Variants in FMNL2 observed in about 807,000 individuals in gnomAD.
FMNL2 encodes the protein formin-like protein 2.
FMNL2 carries 51 observed loss-of-function variants against 130.2 expected under a neutral mutation model. That is an observed-to-expected ratio of 0.39 (90% CI 0.31 to 0.49). The LOEUF (loss-of-function observed/expected upper bound fraction) is 0.49, where lower values mean the gene tolerates loss of function less well. FMNL2 is among the 20% of genes least tolerant of loss of function. The pLI is 0.85. For missense variants in FMNL2, 977 were observed against 1,316.2 expected, an observed-to-expected ratio of 0.74 and a Z score of 3.99; for synonymous variants, 465 against 467.1, an observed-to-expected ratio of 1.00 and a Z score of 0.06.
At chr2:152,428,397 A>G (rs975955699) in intron 1 of FMNL2, among the ~76,000 whole-genome samples, 3 of 152,218 alleles carry the variant, frequency 2.0e-5, no homozygotes, top group African/African-American at 7.2e-5. Context: ...GTAAGCCATT[A>G]TAGTTTAATG....
intron 1 of FMNL2, among the ~76,000 whole-genome samples, chr2:152,504,682 C>T (rs1692056627): frequency 6.6e-6 from 1 of 152,142 alleles, no homozygotes; most frequent in Non-Finnish European, 1.5e-5. Flanking sequence ...GCTTCTATCT[C>T]TTATGCACTG....
intron 1 of FMNL2, among the ~76,000 whole-genome samples, chr2:152,393,835 G>T (rs1322708194): frequency 1.3e-5 from 2 of 152,204 alleles, no homozygotes; most frequent in Non-Finnish European, 2.9e-5. Context: ...TAGGGTGAAA[G>T]CAGCCTTAGA....
At chr2:152,440,597 A>G (rs1688002290) in intron 1 of FMNL2, among the ~76,000 whole-genome samples, 1 of 152,222 alleles carries the variant, frequency 6.6e-6, no homozygotes, top group Non-Finnish European at 1.5e-5. Context: ...TCAGTTCTAG[A>G]AGCCCTCCTT....
chr2:152,495,352 T>G (rs533649630), intron 1 of FMNL2, among the ~76,000 whole-genome samples: 2 of 152,024 alleles, frequency 1.3e-5, no homozygotes, highest in Non-Finnish European at 2.9e-5. Context: ...AAAGATAGAT[T>G]AAGATGTTCA....
At chr2:152,373,805 T>A (rs1684020610) in intron 1 of FMNL2, among the ~76,000 whole-genome samples, 3 of 152,192 alleles carry the variant, frequency 2.0e-5, no homozygotes, top group Admixed American at 2.0e-4. Context: ...CTGTATTTTT[T>A]TTTTTAAACT....
chr2:152,547,047 A>T (rs1163474154), intron 3 of FMNL2, among the ~76,000 whole-genome samples: 1 of 151,554 alleles, frequency 6.6e-6, no homozygotes, highest in Non-Finnish European at 1.5e-5. Context: ...CCAGGTGCAA[A>T]CAGTTCTCGT....
At chr2:152,490,616 T>TGTGTGTGTG (rs70974867) in intron 1 of FMNL2, among the ~76,000 whole-genome samples, 120 of 142,026 alleles carry the variant, frequency 8.4e-4, no homozygotes, top group South Asian at 1.4e-3. Context: ...TGTGTGTGTG[T>TGTGTGTGTG]TGGATAAACT....
At position 152,472,332 on chromosome 2, in the gene FMNL2, G is replaced by A. The variant is rs80040194; in HGVS notation, c.118-49611G>A. On this transcript the variant is annotated intron_variant, in intron 1 of 25. Transcript: ENST00000288670. ...GTACGAAATTATCCTGGTCACTTAT[G>A]TCTCAGTTTGTGCTTTTTTGTGCAG... Among the ~76,000 whole-genome samples the A allele has an allele frequency of 5.4e-3, 827 of 152,234 alleles. 7 individuals carry two copies. Among genetic ancestry groups the A allele is most frequent in the African/African-American group, 0.019 (793 of 41,540 alleles).
rs1265537726 is a variant in FMNL2, at chr2:152,649,403, A to G, written c.*1498A>G. 6.6e-6 allele frequency: 1 copy of G among 152,490 alleles called. No individual in the cohort carries two copies. 9.4% of individuals were successfully genotyped at this position (152,490 alleles called of 1,614,324 possible). A position where few individuals can be genotyped will look rare whatever the true frequency, so the allele number is the denominator to read the frequency against. ...TTTTTTTTAATATATATATTTAACT[A>G]TAAGGACAGTTTAGGGAACAAGTTA... On this transcript the variant is annotated 3_prime_UTR_variant, in exon 26 of 26. Coordinates refer to ENST00000288670, the MANE Select transcript of FMNL2 (RefSeq NM_052905.4).
At chr2:152,570,974 TATTCAGGAAAA>T (rs1171151535) in intron 6 of FMNL2, among the ~76,000 whole-genome samples, 1 of 152,220 alleles carries the variant, frequency 6.6e-6, no homozygotes, top group Non-Finnish European at 1.5e-5. Context: ...AGGGAGCATC[TATTCAGGAAAA>T]GGGACTGATT....
intron 21 of FMNL2, among the ~76,000 whole-genome samples, chr2:152,635,198 G>A (rs1042909997): frequency 1.3e-5 from 2 of 152,212 alleles, no homozygotes; most frequent in Non-Finnish European, 2.9e-5. Flanking sequence ...AATGGTTGAT[G>A]TTGAGTTCTT....
rs1271561784 is a variant in FMNL2, at chr2:152,639,994, G to C, written c.2983G>C (p.Glu995Gln). 2 of 1,559,094 alleles carry C rather than the reference G, an allele frequency of 1.3e-6. No homozygotes were observed. The highest frequency in any genetic ancestry group is 2.4e-5 in the South Asian group (2 of 84,252). Reference protein sequence around the residue: ...EEENELRKKQEQALMEKLLEQ... With the variant: ...EEENELRKKQQQALMEKLLEQ... ...GGAAAATGAGCTGAGGAAAAAGCAG[G>C]AACAAGCTCTCATGGAAAAACTCCT... is the stretch of plus-strand genomic sequence containing the variant. Residue 995 changes from glutamate (E) to glutamine (Q), a missense_variant, in exon 24 of 26, where the codon GAA (glutamate) becomes CAA (glutamine). By Grantham distance (29) the Glu-to-Gln change is conservative (BLOSUM62 2). Around this residue, in one of 4 missense-constraint regions of FMNL2, gnomAD observed 168 missense variants for 168.8 expected, o/e 1.00. Transcript: ENST00000288670.
intron 21 of FMNL2, among the ~76,000 whole-genome samples, chr2:152,633,796 T>G (rs1180423265): frequency 6.6e-6 from 1 of 152,260 alleles, no homozygotes; most frequent in African/African-American, 2.4e-5. Context: ...ACTAATTCAT[T>G]TTGTTTGGTC....
rs545786592 is a variant in FMNL2 at position 152,372,931 on chromosome 2, A to G, written c.117+37211A>G. On this transcript the variant is annotated intron_variant, in intron 1 of 25. Transcript: ENST00000288670. ...CAAGAAGAGGTATCTGGGAGTTGGAAGATGAGTGCTCTGTTCTTATCGTGT... is the reference window on the plus strand; with the variant it reads ...CAAGAAGAGGTATCTGGGAGTTGGAGGATGAGTGCTCTGTTCTTATCGTGT... 2.0e-5 allele frequency among the ~76,000 whole-genome samples: 3 copies of G among 152,348 alleles called. No homozygotes were observed. In the East Asian group the frequency reaches 5.8e-4, roughly 29 times the overall value.
chr2:152,610,733 A>G (rs1171753041), intron 10 of FMNL2, among the ~76,000 whole-genome samples: 1 of 152,196 alleles, frequency 6.6e-6, no homozygotes, highest in African/African-American at 2.4e-5. Flanking sequence ...GTTATTAATG[A>G]TGTTACTCTG....
intron 1 of FMNL2, chr2:152,389,862 C>T (rs1375398575): frequency 2.8e-6 from 3 of 1,060,934 alleles, no homozygotes; most frequent in Non-Finnish European, 4.3e-6. Flanking sequence ...TCAGCCACGA[C>T]AATCAGCTGG....
chr2:152,344,738 T>C (rs181348330), intron 1 of FMNL2, among the ~76,000 whole-genome samples: 113 of 152,340 alleles, frequency 7.4e-4, no homozygotes, highest in African/African-American at 2.6e-3. Context: ...TAATTGTTTG[T>C]TGGTTCAATG....
chr2:152,466,697 G>A (rs1431892815), intron 1 of FMNL2, among the ~76,000 whole-genome samples: 2 of 152,182 alleles, frequency 1.3e-5, no homozygotes, highest in Non-Finnish European at 2.9e-5. Flanking sequence ...GTATTAAGGA[G>A]CAGGGGGAGA....
At chr2:152,370,854 T>C (rs567668800) in intron 1 of FMNL2, among the ~76,000 whole-genome samples, 1 of 152,340 alleles carries the variant, frequency 6.6e-6, no homozygotes, top group African/African-American at 2.4e-5. Flanking sequence ...TATCTCCCAG[T>C]GTCTATGGGT....
Sources: gnomAD v4.1 joint callset for allele counts (sites outside exome capture counted in the v4.1 genomes callset) on GRCh38, gnomAD v4.1.1 for gene constraint, gnomAD v4.1.1 regional missense constraint, MANE v1.5 for transcripts, NCBI Gene and HGNC (gene_info 2026-07-23, HGNC 2026-07-21) for gene names.